Variants in ABHD3 observed in about 807,000 individuals in gnomAD.
ABHD3 encodes abhydrolase domain containing 3, phospholipase, also known as phospholipase ABHD3.
A neutral mutation model predicts 48.8 loss-of-function variants in ABHD3; 46 were observed. The ratio of observed to expected loss-of-function variants is 0.94; its 90% CI spans 0.74 to 1.20. ABHD3 has a LOEUF of 1.20. Among genes scored for constraint, ABHD3 ranks in the 50% most tolerant of loss-of-function variants. ABHD3 has a pLI of 0.00. For synonymous variants in ABHD3, 192 were observed against 183.7 expected, an observed-to-expected ratio of 1.04 and a Z score of -0.36; for missense variants, 490 against 497.8, an observed-to-expected ratio of 0.98 and a Z score of 0.15.
intron 3 of ABHD3, among the ~76,000 whole-genome samples, chr18:21,686,377 T>C (rs1385729999): frequency 6.6e-6 from 1 of 152,046 alleles, no homozygotes; most frequent in Admixed American, 6.6e-5. Context: ...CACTTTAGAG[T>C]ACAAACATTA....
At chr18:21,671,912 C>T (rs1010536749) in intron 4 of ABHD3, among the ~76,000 whole-genome samples, 1 of 152,174 alleles carries the variant, frequency 6.6e-6, no homozygotes, top group Non-Finnish European at 1.5e-5. Context: ...ATTGGGATTA[C>T]AGGCGTGAGC....
At chr18:21,663,795 A>T in intron 5 of ABHD3, 1 of 1,534,180 alleles carries the variant, frequency 6.5e-7, no homozygotes, top group Non-Finnish European at 8.7e-7. Flanking sequence ...AGCTCCAGGG[A>T]TGGCTGGGAG....
At chr18:21,689,549 C>CAAAAAAAA (rs36011228) in intron 3 of ABHD3, among the ~76,000 whole-genome samples, 12 of 41,808 alleles carry the variant, frequency 2.9e-4, no homozygotes, top group African/African-American at 1.3e-3. Flanking sequence ...AATCTGGTCT[C>CAAAAAAAA]AAAAAAAAAA....
intron 3 of ABHD3, among the ~76,000 whole-genome samples, chr18:21,689,884 ACT>A (rs2040209304): frequency 6.6e-6 from 1 of 152,230 alleles, no homozygotes; most frequent in East Asian, 1.9e-4. Context: ...AAAAAGCAAC[ACT>A]CTTTGCAAAA....
Position 21,702,366 on chromosome 18 carries a change from C to T in ABHD3, c.459G>A (p.Lys153=). 1 of 1,613,798 alleles carries T rather than the reference C, an allele frequency of 6.2e-7. No homozygotes were observed. The highest frequency in any genetic ancestry group is 8.5e-7 in the Non-Finnish European group (1 of 1,179,868). The change falls in exon 3 of 9, where the codon AAG becomes AAA. Residue 153 remains lysine (K), a synonymous_variant. Coordinates refer to ENST00000289119, the MANE Select transcript of ABHD3 (RefSeq NM_138340.5). ...GGATCATATGAAGGATATATGACTC[C>T]TTGCTTGTTCCCGTGAGGCCAGGCA... is the stretch of plus-strand genomic sequence containing the variant. ...LLLPGLTGTS[K]ESYILHMIHL...
chr18:21,683,982 C>A lies in ABHD3; in HGVS notation c.510-17G>T. On this transcript the variant is annotated splice_polypyrimidine_tract_variant and intron_variant, in intron 3 of 8. Coordinates refer to ENST00000289119, the MANE Select transcript of ABHD3 (RefSeq NM_138340.5). ...ACCACACATCTAAAAACCAGGAAAG[C>A]AATTTTTGTTATTTTTACACATGAT... 6.3e-7 allele frequency: 1 copy of A among 1,590,136 alleles called. No homozygotes were observed. Among genetic ancestry groups the A allele is most frequent in the African/African-American group, 1.3e-5 (1 of 74,486 alleles).
chr18:21,670,568 GTATTT>G (rs1355872636), intron 4 of ABHD3, among the ~76,000 whole-genome samples: 1 of 152,154 alleles, frequency 6.6e-6, no homozygotes, highest in Non-Finnish European at 1.5e-5. Context: ...TTCCAGCTCT[GTATTT>G]TATTATTTCT....
intron 8 of ABHD3, among the ~76,000 whole-genome samples, 189 bp downstream of exon 8, chr18:21,656,672 C>A (rs962152705): frequency 7.2e-5 from 11 of 152,084 alleles, no homozygotes; most frequent in Non-Finnish European, 1.5e-4. Flanking sequence ...CTGAGCCTCT[C>A]ACAATGGACT....
chr18:21,689,794 G>A (rs2040206959), intron 3 of ABHD3, among the ~76,000 whole-genome samples: 2 of 152,044 alleles, frequency 1.3e-5, no homozygotes, highest in South Asian at 4.1e-4. Flanking sequence ...ACTGGACAAA[G>A]ATTTCAACTG....
At chr18:21,667,269 A>C (rs1374329688) in intron 4 of ABHD3, among the ~76,000 whole-genome samples, 2 of 76,794 alleles carry the variant, frequency 2.6e-5, no homozygotes, top group Admixed American at 4.1e-4. Flanking sequence ...TTTGAGACGG[A>C]GTTTCCCTGC....
intron 3 of ABHD3, among the ~76,000 whole-genome samples, chr18:21,687,941 A>G (rs557052127): frequency 2.1e-4 from 32 of 152,384 alleles, no homozygotes; most frequent in African/African-American, 7.5e-4. Flanking sequence ...TGCCCCAGGC[A>G]TAACAACCAA....
At position 21,704,736 on chromosome 18, in the gene ABHD3, A is replaced by AGAGCGGGCGAGAGCGGACGC; in HGVS notation, c.-72_-71insGCGTCCGCTCTCGCCCGCTC. The AGAGCGGGCGAGAGCGGACGC allele has an allele frequency of 7.7e-7, 1 of 1,302,908 alleles. No homozygotes were observed. Among genetic ancestry groups the AGAGCGGGCGAGAGCGGACGC allele is most frequent in the East Asian group, 3.2e-5 (1 of 31,468 alleles). 80.7% of individuals were successfully genotyped at this position (1,302,908 alleles called of 1,614,324 possible). Reference sequence around the variant, plus strand: ...GCTGGCGAGCGGGCGAGAGCGGGCGAGAGCGGACGCGGCGCCGCTGCCTAC... The same window carrying AGAGCGGGCGAGAGCGGACGC: ...GCTGGCGAGCGGGCGAGAGCGGGCGAGAGCGGGCGAGAGCGGACGCGAGCGGACGCGGCGCCGCTGCCTAC... On this transcript the variant is annotated 5_prime_UTR_variant, in exon 1 of 9. Transcript: ENST00000289119.
rs772086216 is a variant in ABHD3 at position 21,651,761 on chromosome 18, T to A, written c.1060A>T (p.Ile354Phe). Residue 354 changes from isoleucine (I) to phenylalanine (F), a missense_variant and splice_region_variant, in exon 9 of 9, where the codon ATT (isoleucine) becomes TTT (phenylalanine). Transcript: ENST00000289119. ...TTTTGCTTAGCAGTTTCTATTGGAA[T>A]AGCTTCAGACCAAAAAAAACATGGC... The part of the protein sequence containing the change: ...VDDVFSPSHA[I>F]PIETAKQNPN... The A allele has an allele frequency of 1.3e-6, 2 of 1,546,880 alleles. No individual in the cohort carries two copies. The highest frequency in any genetic ancestry group is 2.8e-5 in the African/African-American group (2 of 71,970).
rs1321272252 is a variant in ABHD3, at chr18:21,704,515, T to G, written c.151A>C (p.Ser51Arg). 2.7e-6 allele frequency: 4 copies of G among 1,476,338 alleles called. No homozygotes were observed. The highest frequency in any genetic ancestry group is 3.6e-6 in the Non-Finnish European group (4 of 1,109,390). 91.5% of individuals were successfully genotyped at this position (1,476,338 alleles called of 1,614,324 possible). Residue 51 changes from serine to arginine, a missense_variant, in exon 1 of 9, where the codon AGC becomes CGC. Ser to Arg is a moderately radical substitution (Grantham distance 110). Coordinates refer to ENST00000289119, the MANE Select transcript of ABHD3 (RefSeq NM_138340.5). ...SVAYAFYYLS[S>R]IAKKPQLVTG... ...CACCCCCGGCTCACCTTGGCAATGCTGCTCAGGTAGTAGAAGGCATAAGCG... is the reference window on the plus strand; with the variant it reads ...CACCCCCGGCTCACCTTGGCAATGCGGCTCAGGTAGTAGAAGGCATAAGCG...
At chr18:21,693,917 T>C (rs2040309012) in intron 3 of ABHD3, among the ~76,000 whole-genome samples, 1 of 152,140 alleles carries the variant, frequency 6.6e-6, no homozygotes, top group Admixed American at 6.5e-5. Context: ...CTCGTTTTCC[T>C]TAGTTCAGCC....
intron 4 of ABHD3, among the ~76,000 whole-genome samples, chr18:21,675,262 GTT>G (rs61119109): frequency 0.015 from 1,269 of 85,508 alleles, 16 homozygotes; most frequent in Admixed American, 0.078. Flanking sequence ...AATGAGGTGG[GTT>G]TTTTTTTTTT....
chr18:21,689,802 C>A (rs2040207161), intron 3 of ABHD3, among the ~76,000 whole-genome samples: 1 of 152,110 alleles, frequency 6.6e-6, no homozygotes, highest in Non-Finnish European at 1.5e-5. Context: ...AAGATTTCAA[C>A]TGCAATTTAC....
intron 4 of ABHD3, among the ~76,000 whole-genome samples, chr18:21,665,098 C>G (rs559825935): frequency 3.3e-5 from 5 of 152,130 alleles, no homozygotes; most frequent in African/African-American, 9.6e-5. Context: ...ACACCCACCA[C>G]CATGCCCGGC....
chr18:21,704,276 G>A (rs545439903), intron 1 of ABHD3, among the ~76,000 whole-genome samples: 241 of 152,282 alleles, frequency 1.6e-3, no homozygotes, highest in Non-Finnish European at 2.4e-3. Context: ...GCAGAAGTCA[G>A]CCGGGTTCAG....
Sources: gnomAD v4.1 joint callset for allele counts (sites outside exome capture counted in the v4.1 genomes callset) on GRCh38, gnomAD v4.1.1 for gene constraint, MANE v1.5 for transcripts, NCBI Gene and HGNC (gene_info 2026-07-23, HGNC 2026-07-21) for gene names.